Variants in TCF20 observed in about 807,000 individuals in gnomAD.
TCF20 encodes transcription factor 20.
TCF20 carries 3 observed loss-of-function variants against 148.6 expected under a neutral mutation model. The ratio of observed to expected loss-of-function variants is 0.02; its 90% CI spans 0.01 to 0.05. The LOEUF (loss-of-function observed/expected upper bound fraction) is 0.05, where lower values mean the gene tolerates loss of function less well. Among genes scored for constraint, TCF20 ranks in the 10% least tolerant of loss-of-function variants. The pLI is 1.00. For synonymous variants in TCF20, 1,049 were observed against 909.5 expected, an observed-to-expected ratio of 1.15 and a Z score of -2.76; for missense variants, 2,350 against 2,429.3, an observed-to-expected ratio of 0.97 and a Z score of 0.69.
At position 42,211,529 on chromosome 22, in the gene TCF20, A is replaced by C. The variant is rs1230307008; in HGVS notation, c.3777T>G (p.Ser1259=). Residue 1259 remains serine (S), a synonymous_variant, in exon 2 of 6, where the codon TCT becomes TCG. Transcript: ENST00000677622. ...TCTTACTGGGAATGGGAGAGATAAA[A>C]GAACGAACACGCCTCCTCATGATTA... is the stretch of plus-strand genomic sequence containing the variant. ...NPLIMRRRVR[S]FISPIPSKRQ... 1 of 1,614,092 alleles carries C rather than the reference A, an allele frequency of 6.2e-7. No homozygotes were observed. The highest frequency in any genetic ancestry group is 8.5e-7 in the Non-Finnish European group (1 of 1,180,046).
intron 1 of TCF20, among the ~76,000 whole-genome samples, chr22:42,223,823 G>A (rs755507982): frequency 2.0e-5 from 3 of 152,150 alleles, no homozygotes; most frequent in African/African-American, 4.8e-5. Flanking sequence ...ATAAAGATCT[G>A]CTCAGTGACT....
rs2147212306 is a variant in TCF20 at position 42,213,001 on chromosome 22, A to G, written c.2305T>C (p.Ser769Pro). ...CCCTGATGCTCTTGAGTACTCCTAG[A>G]ATATCTCCTGTCAGGGTGGTGGTGG... ...GYHHHPDRRY[S>P]RSTQEHQGMA... The change falls in exon 2 of 6, where the codon TCT becomes CCT. Residue 769 changes from serine to proline, a missense_variant. Coordinates refer to ENST00000677622, the MANE Select transcript of TCF20 (RefSeq NM_001378418.1). The G allele has an allele frequency of 1.2e-6, 2 of 1,614,062 alleles. No homozygotes were observed.
chr22:42,341,307 TC>T (rs1276491415), intron 1 of TCF20, among the ~76,000 whole-genome samples: 1 of 152,084 alleles, frequency 6.6e-6, no homozygotes, highest in Non-Finnish European at 1.5e-5. Flanking sequence ...AATTTATAGT[TC>T]CACGGGGAGC....
At chr22:42,283,836 C>T (rs1346453985) in exon 1 of TCF20, among the ~76,000 whole-genome samples, 1 of 152,190 alleles carries the variant, frequency 6.6e-6, no homozygotes. Flanking sequence ...CCTTTGCAGC[C>T]GCATCCTTCC....
chr22:42,196,753 G>T (rs564694040), intron 2 of TCF20, among the ~76,000 whole-genome samples: 8 of 149,420 alleles, frequency 5.4e-5, no homozygotes, highest in African/African-American at 7.4e-5. Flanking sequence ...TAGCTGCTCC[G>T]TGAGAAACAC....
chr22:42,230,162 G>A (rs1449086553), intron 1 of TCF20, among the ~76,000 whole-genome samples: 2 of 152,138 alleles, frequency 1.3e-5, no homozygotes, highest in African/African-American at 2.4e-5. Context: ...ACACCTTAAA[G>A]TTGAAGCAAC....
intron 2 of TCF20, among the ~76,000 whole-genome samples, chr22:42,208,637 A>G (rs1052138756): frequency 6.6e-6 from 1 of 152,178 alleles, no homozygotes; most frequent in African/African-American, 2.4e-5. Context: ...CATACAAAAA[A>G]GATTAGATGA....
intron 1 of TCF20, among the ~76,000 whole-genome samples, chr22:42,268,056 G>T (rs1230155064): frequency 6.6e-6 from 1 of 152,018 alleles, no homozygotes; most frequent in Non-Finnish European, 1.5e-5. Flanking sequence ...TGACGCAGGA[G>T]AATCACCTGA....
In TCF20 at chr22:42,213,842, C is replaced by A; in HGVS notation, c.1464G>T (p.Arg488Ser). Residue 488 changes from arginine (R) to serine (S), a missense_variant, in exon 2 of 6, where the codon AGG becomes AGT. Physicochemically the swap from Arg to Ser is moderately radical, Grantham distance 110. Around this residue, in one of 7 missense-constraint regions of TCF20, gnomAD observed 1,641 missense variants for 1,662.6 expected, o/e 0.99. Transcript: ENST00000677622. ...ALTPQKKTSK[R>S]PSSSKKADSC... ...TATCTGCTTTCTTGGAAGATGAGGGCCTCTTGGAGGTCTTCTTCTGAGGAG... is the reference window on the plus strand; with the variant it reads ...TATCTGCTTTCTTGGAAGATGAGGGACTCTTGGAGGTCTTCTTCTGAGGAG... 2 of 1,614,142 alleles carry A rather than the reference C, an allele frequency of 1.2e-6. No individual in the cohort carries two copies. The highest frequency in any genetic ancestry group is 2.2e-5 in the South Asian group (2 of 91,076).
intron 2 of TCF20, among the ~76,000 whole-genome samples, chr22:42,181,560 A>T (rs1232366736): frequency 1.3e-5 from 2 of 151,534 alleles, no homozygotes; most frequent in African/African-American, 4.9e-5. Context: ...AGTCTGCAGG[A>T]AAAAGGGCTT....
chr22:42,336,265 TG>T (rs1406451207), intron 1 of TCF20, among the ~76,000 whole-genome samples: 2 of 152,090 alleles, frequency 1.3e-5, no homozygotes, highest in Non-Finnish European at 2.9e-5. Context: ...TGACCTGGCA[TG>T]GCTCGGGTAG....
chr22:42,321,021 C>T (rs1927722790), intron 1 of TCF20, among the ~76,000 whole-genome samples: 1 of 152,226 alleles, frequency 6.6e-6, no homozygotes, highest in Admixed American at 6.5e-5. Context: ...GTTAATATAA[C>T]ATTATGGCTG....
At chr22:42,274,137 C>G (rs926782707), upstream of TCF20, 14 of 152,750 alleles carry the variant, frequency 9.2e-5, no homozygotes, top group African/African-American at 3.1e-4. Flanking sequence ...AAGAGGGAGG[C>G]CTGGAATTCC....
rs1926542659 is a variant in TCF20, at chr22:42,270,407, G to T, written c.-105C>A. On this transcript the variant is annotated 5_prime_UTR_variant, in exon 1 of 6. Transcript: ENST00000677622. ...GGGCGGGGAGGGAGCGGTGGCGACG[G>T]CGGGCGGCGCTGCGCGGGGTGGGGG... Among the ~76,000 whole-genome samples, 1 of 149,164 alleles carries T rather than the reference G, an allele frequency of 6.7e-6. No individual in the cohort carries two copies.
At chr22:42,315,929 C>CA (rs1927621250) in intron 1 of TCF20, among the ~76,000 whole-genome samples, 2 of 151,998 alleles carry the variant, frequency 1.3e-5, no homozygotes, top group African/African-American at 4.8e-5. Context: ...TCCTGGCCAA[C>CA]ATGGTGAAAT....
intron 1 of TCF20, among the ~76,000 whole-genome samples, chr22:42,222,033 C>G (rs954867844): frequency 6.6e-6 from 1 of 152,010 alleles, no homozygotes; most frequent in African/African-American, 2.4e-5. Context: ...CCACCGCGCC[C>G]GGCCCCATAT....
At chr22:42,184,310 TCATAC>T (rs1936938961) in intron 2 of TCF20, among the ~76,000 whole-genome samples, 1 of 152,142 alleles carries the variant, frequency 6.6e-6, no homozygotes, top group South Asian at 2.1e-4. Flanking sequence ...TCAACTTTCT[TCATAC>T]CATACCATGA....
intron 1 of TCF20, among the ~76,000 whole-genome samples, chr22:42,239,061 T>C (rs993055645): frequency 5.9e-5 from 9 of 151,422 alleles, no homozygotes; most frequent in African/African-American, 2.2e-4. Flanking sequence ...GAGCTTGCAG[T>C]GAGCCGAAAT....
chr22:42,214,327 G>A lies in TCF20; in HGVS notation c.979C>T (p.His327Tyr). The stretch of plus-strand genomic sequence containing the variant: ...GCAGCGTTAGTATACTGCATCACAT[G>A]CTGAGAAGGGTGTTGTTGTTGCTGC... ...QPQQQQHPSQ[H>Y]VMQYTNAATK... The change falls in exon 2 of 6, where the codon CAT becomes TAT. Residue 327 changes from histidine (H) to tyrosine (Y), a missense_variant. His to Tyr is a moderately conservative substitution (Grantham distance 83). Coordinates refer to ENST00000677622, the MANE Select transcript of TCF20 (RefSeq NM_001378418.1). The A allele has an allele frequency of 6.2e-7, 1 of 1,614,232 alleles. No individual in the cohort carries two copies. The highest frequency in any genetic ancestry group is 1.1e-5 in the South Asian group (1 of 91,086).
Sources: gnomAD v4.1 joint callset for allele counts (sites outside exome capture counted in the v4.1 genomes callset) on GRCh38, gnomAD v4.1.1 for gene constraint, gnomAD v4.1.1 regional missense constraint, MANE v1.5 for transcripts, NCBI Gene and HGNC (gene_info 2026-07-23, HGNC 2026-07-21) for gene names.